The following CSMD1 variants were observed in gnomAD, a reference collection of about 807,000 sequenced individuals.
The protein encoded by CSMD1 is CUB and sushi domain-containing protein 1.
Under a neutral mutation model 417.5 loss-of-function variants are expected in CSMD1, and 213 were observed. The ratio of observed to expected loss-of-function variants is 0.51; its 90% CI spans 0.46 to 0.57. CSMD1 has a LOEUF of 0.57. Ranked by LOEUF, CSMD1 falls within the 20% of genes least tolerant of loss-of-function variation. The probability of loss-of-function intolerance (pLI) is 0.00; values close to 1 mark genes in which losing one functional copy is unlikely to be tolerated. For synonymous variants in CSMD1, 2,862 were observed against 1,736.8 expected (o/e 1.65, Z -16.11); for missense variants, 6,923 against 4,529.7 (o/e 1.53, Z -15.17).
At chr8:3,646,573 A>G (rs1797581153) in intron 7 of CSMD1, among the ~76,000 whole-genome samples, 1 of 152,196 alleles carries the variant, frequency 6.6e-6, no homozygotes, top group Non-Finnish European at 1.5e-5. Flanking sequence ...GTTTCCCCTG[A>G]TTCTCAGTAG....
intron 41 of CSMD1, among the ~76,000 whole-genome samples, chr8:3,140,885 T>G (rs544196253): frequency 2.6e-5 from 4 of 152,336 alleles, no homozygotes; most frequent in African/African-American, 9.6e-5. Flanking sequence ...TCTTAGAGAT[T>G]GCATATTTGA....
rs1333869517 is a variant in CSMD1, at chr8:3,396,171, T to A, written c.2593+23A>T. 6.5e-6 allele frequency: 10 copies of A among 1,548,292 alleles called. No individual in the cohort carries two copies. In the East Asian group the frequency reaches 1.2e-4, roughly 19 times the overall value. ...TCCCATGCATGCTGCCCTGCCGGGC[T>A]GTCAAGGGAAGGTGCAACTCACTCT... is the stretch of plus-strand genomic sequence containing the variant. On this transcript the variant is annotated intron_variant, in intron 17 of 69. Transcript: ENST00000635120.
At chr8:3,832,918 C>G (rs58276887) in intron 5 of CSMD1, among the ~76,000 whole-genome samples, 4 of 151,946 alleles carry the variant, frequency 2.6e-5, no homozygotes, top group African/African-American at 9.7e-5. Context: ...AATAGGAGTA[C>G]GTTTCCTTCA....
chr8:3,214,457 G>GA, intron 30 of CSMD1, 40 bp downstream of exon 30: 1 of 1,459,196 alleles, frequency 6.9e-7, no homozygotes, highest in Non-Finnish European at 9.2e-7. Flanking sequence ...CATTTTAAAG[G>GA]AAAGTTGTAT....
intron 5 of CSMD1, among the ~76,000 whole-genome samples, chr8:3,763,102 G>A (rs561861757): frequency 6.6e-6 from 1 of 152,210 alleles, no homozygotes; most frequent in Non-Finnish European, 1.5e-5. Context: ...GTAACAGAGT[G>A]CTGGGCATGT....
At chr8:3,778,339 T>G (rs543616132) in intron 5 of CSMD1, among the ~76,000 whole-genome samples, 8 of 152,336 alleles carry the variant, frequency 5.3e-5, no homozygotes, top group African/African-American at 1.9e-4. Flanking sequence ...TAGGGAAACC[T>G]GTGTAATCAC....
chr8:3,985,660 G>T (rs1814267780), intron 5 of CSMD1, among the ~76,000 whole-genome samples: 1 of 152,088 alleles, frequency 6.6e-6, no homozygotes, highest in African/African-American at 2.4e-5. Context: ...AGCTTGCTAG[G>T]TTGATGCTAG....
intron 5 of CSMD1, among the ~76,000 whole-genome samples, chr8:3,945,697 G>A (rs966060440): frequency 2.0e-5 from 3 of 152,036 alleles, no homozygotes; most frequent in Admixed American, 6.6e-5. Flanking sequence ...ATAGCTCATC[G>A]ACATTTAAAG....
Position 2,946,069 on chromosome 8 carries a change from G to A in CSMD1, c.10402+3230C>T, listed in dbSNP as rs1563169821. Among the ~76,000 whole-genome samples the A allele has an allele frequency of 2.0e-5, 3 of 152,108 alleles. No individual in the cohort carries two copies. The East Asian group carries it at 5.8e-4, about 29-fold the overall frequency. On this transcript the variant is annotated intron_variant, in intron 68 of 69. Coordinates refer to ENST00000635120, the MANE Select transcript of CSMD1 (RefSeq NM_033225.6). Reference sequence around the variant, plus strand: ...ACGGTGTTGCCTACTGCATATCTAGGCTATAGGTACAGCCAGTGGCTCCTA... The same window carrying A: ...ACGGTGTTGCCTACTGCATATCTAGACTATAGGTACAGCCAGTGGCTCCTA...
intron 7 of CSMD1, among the ~76,000 whole-genome samples, chr8:3,682,113 T>C (rs1290934021): frequency 1.3e-5 from 2 of 152,182 alleles, no homozygotes. Flanking sequence ...GGCAATACTA[T>C]TCAGGACATA....
rs370405549 is a variant in CSMD1 at position 3,214,696 on chromosome 8, G to A, written c.4673-5C>T. ...AACAAGCTTCCCGTGGTTTCTCTGT[G>A]GAAGAAATGAATGTAAACTGCATGA... is the stretch of plus-strand genomic sequence containing the variant. On this transcript the variant is annotated splice_polypyrimidine_tract_variant and splice_region_variant and intron_variant, in intron 29 of 69. Coordinates refer to ENST00000635120, the MANE Select transcript of CSMD1 (RefSeq NM_033225.6). 366 of 1,547,408 alleles carry A rather than the reference G, an allele frequency of 2.4e-4. No individual in the cohort carries two copies. The highest frequency in any genetic ancestry group is 3.0e-4 in the Non-Finnish European group (339 of 1,144,812).
chr8:4,970,747 TC>T (rs1245118061), intron 1 of CSMD1, among the ~76,000 whole-genome samples: 5 of 152,142 alleles, frequency 3.3e-5, no homozygotes, highest in African/African-American at 1.2e-4. Context: ...CTGCCGTGGT[TC>T]TTTTTTTGAC....
chr8:3,654,552 T>C (rs755635070), intron 7 of CSMD1, among the ~76,000 whole-genome samples: 1 of 152,194 alleles, frequency 6.6e-6, no homozygotes, highest in African/African-American at 2.4e-5. Flanking sequence ...GTCATGATTA[T>C]ACGGAGAGTT....
chr8:4,122,071 A>C (rs1462553250), intron 3 of CSMD1, among the ~76,000 whole-genome samples: 1 of 152,080 alleles, frequency 6.6e-6, no homozygotes, highest in Non-Finnish European at 1.5e-5. Flanking sequence ...TAAATTTATA[A>C]AATATATATC....
chr8:4,105,962 G>A (rs991490070), intron 3 of CSMD1, among the ~76,000 whole-genome samples: 1 of 152,188 alleles, frequency 6.6e-6, no homozygotes, highest in African/African-American at 2.4e-5. Context: ...TTAGCCACAA[G>A]TCCCAACTTC....
intron 2 of CSMD1, among the ~76,000 whole-genome samples, chr8:4,494,895 T>C (rs547614749): frequency 6.6e-6 from 1 of 152,084 alleles, no homozygotes; most frequent in African/African-American, 2.4e-5. Flanking sequence ...AAAATTCTCA[T>C]TGTTAGGACA....
chr8:4,039,491 G>A (rs1050439806), intron 3 of CSMD1, among the ~76,000 whole-genome samples: 1 of 152,100 alleles, frequency 6.6e-6, no homozygotes, highest in Non-Finnish European at 1.5e-5. Flanking sequence ...CTCTGAATGC[G>A]AGCCAATCTG....
intron 26 of CSMD1, among the ~76,000 whole-genome samples, chr8:3,265,126 A>T (rs903310306): frequency 6.6e-6 from 1 of 152,180 alleles, no homozygotes; most frequent in Non-Finnish European, 1.5e-5. Context: ...GATTGTCACT[A>T]TTAGAGCAGA....
chr8:3,934,574 G>A (rs112288651), intron 5 of CSMD1, among the ~76,000 whole-genome samples: 3,287 of 152,178 alleles, frequency 0.022, 48 homozygotes, highest in Non-Finnish European at 0.035. Context: ...GGTATATTTG[G>A]CCAGGCGCGG....
Sources: allele counts gnomAD v4.1 joint callset (sites outside exome capture counted in the v4.1 genomes callset), GRCh38; gene constraint gnomAD v4.1.1; transcripts MANE v1.5; gene names NCBI Gene and HGNC (gene_info 2026-07-23, HGNC 2026-07-21).